Variants in ZNFX1 observed in about 807,000 individuals in gnomAD.
ZNFX1 encodes zinc finger NFX1-type containing 1.
In ZNFX1, 78 loss-of-function variants were observed where a neutral mutation model predicts 179.8. That is an observed-to-expected ratio of 0.43 (90% CI 0.36 to 0.52). The LOEUF (loss-of-function observed/expected upper bound fraction) is 0.52. ZNFX1 is among the 20% of genes least tolerant of loss of function. ZNFX1 has a pLI of 0.00. For missense variants in ZNFX1, 1,927 were observed against 2,386.6 expected, an observed-to-expected ratio of 0.81 and a Z score of 4.01; for synonymous variants, 848 against 868.5, an observed-to-expected ratio of 0.98 and a Z score of 0.42.
rs116559811 is a variant in ZNFX1, at chr20:49,256,775, T to A, written c.2664+642A>T. 8.8e-3 allele frequency among the ~76,000 whole-genome samples: 1,342 copies of A among 152,346 alleles called. 21 individuals are homozygous for A. Among genetic ancestry groups the A allele is most frequent in the African/African-American group, 0.03 (1,259 of 41,570 alleles). On this transcript the variant is annotated intron_variant, in intron 8 of 13. Coordinates refer to ENST00000396105, the MANE Select transcript of ZNFX1 (RefSeq NM_021035.3). ...ATCAGGTGCAAAGCCAGCACTCAGA[T>A]GAAAACTGCATCCAAAGTTGCCCTT...
chr20:49,264,815 G>C lies in ZNFX1; in HGVS notation c.2052C>G (p.Ser684Arg). 1 of 1,614,170 alleles carries C rather than the reference G, an allele frequency of 6.2e-7. No individual in the cohort carries two copies. Among genetic ancestry groups the C allele is most frequent in the Non-Finnish European group, 8.5e-7 (1 of 1,180,030 alleles). ...KTSIVRVGGR[S>R]NSEILKQFTL... Reference sequence around the variant, plus strand: ...TGAACTGCTTCAGGATTTCACTGTTGCTCCTTCCACCCACCCGCACAATGC... The same window carrying C: ...TGAACTGCTTCAGGATTTCACTGTTCCTCCTTCCACCCACCCGCACAATGC... Residue 684 changes from serine (S) to arginine (R), a missense_variant, in exon 5 of 14, where the codon AGC becomes AGG. Coordinates refer to ENST00000396105, the MANE Select transcript of ZNFX1 (RefSeq NM_021035.3).
chr20:49,253,400 T>C (rs1209708325), intron 11 of ZNFX1, among the ~76,000 whole-genome samples: 2 of 152,154 alleles, frequency 1.3e-5, no homozygotes. Flanking sequence ...CTGAGGAGCA[T>C]GCTATTACAA....
At position 49,272,180 on chromosome 20, in the gene ZNFX1, C is replaced by CTT. The variant is rs72383185; in HGVS notation, c.62-432_62-431dup. On this transcript the variant is annotated intron_variant, in intron 2 of 13. Transcript: ENST00000396105. ...TAATTTCTCTAAGTCTCAGTTTCTG[C>CTT]TTTTTTTTTTTTTTTGAGATGGAAT... is the stretch of plus-strand genomic sequence containing the variant. Among the ~76,000 whole-genome samples the CTT allele has an allele frequency of 8.4e-4, 119 of 140,844 alleles. 3 individuals are homozygous for CTT. The highest frequency in any genetic ancestry group is 7.5e-3 in the Middle Eastern group (2 of 268). 92.4% of individuals were successfully genotyped at this position (140,844 alleles called of 152,430 possible). A position where few individuals can be genotyped will look rare whatever the true frequency, so the allele number is the denominator to read the frequency against.
intron 3 of ZNFX1, among the ~76,000 whole-genome samples, chr20:49,268,897 A>G (rs1981311025): frequency 6.6e-6 from 1 of 152,224 alleles, no homozygotes; most frequent in African/African-American, 2.4e-5. Flanking sequence ...AAGTTTATAC[A>G]CTGCTGGTGG....
At chr20:49,251,216 C>T (rs2054442482) in intron 13 of ZNFX1, among the ~76,000 whole-genome samples, 1 of 152,044 alleles carries the variant, frequency 6.6e-6, no homozygotes, top group Non-Finnish European at 1.5e-5. Flanking sequence ...GATCTCAGCT[C>T]ACTGCAACCT....
Position 49,247,729 on chromosome 20 carries a change from G to GT in ZNFX1, c.5294dup (p.Tyr1765Ter), listed in dbSNP as rs770513210. ...TGTAGCGGGTCAGAAGGTTCACCAG[G>GT]TATGTGAGCCTCTGGATTTCACTTC... ...DLRSEIQRLT[Y>*]LVNLLTRYKI... Residue 1765 changes from tyrosine to a stop codon, truncating the protein, a stop_gained and frameshift_variant, in exon 14 of 14, where the codon TAC (tyrosine) becomes TAAC (stop). Transcript: ENST00000396105. LOFTEE classifies it high-confidence loss of function. The GT allele has an allele frequency of 6.2e-7, 1 of 1,614,176 alleles. No homozygotes were observed. Among genetic ancestry groups the GT allele is most frequent in the Non-Finnish European group, 8.5e-7 (1 of 1,180,038 alleles).
In ZNFX1 at chr20:49,258,315, G is replaced by A. The variant is rs189193637; in HGVS notation, c.2417-651C>T. ...TCTCCATGTTGGTCAGGCTGGTCTC[G>A]AACTCCCGACCTCAGGCCTGCCTCG... On this transcript the variant is annotated intron_variant, in intron 7 of 13. Coordinates refer to ENST00000396105, the MANE Select transcript of ZNFX1 (RefSeq NM_021035.3). Among the ~76,000 whole-genome samples the A allele has an allele frequency of 2.6e-3, 386 of 151,280 alleles. 2 individuals carry two copies. Among genetic ancestry groups the A allele is most frequent in the African/African-American group, 8.8e-3 (362 of 41,212 alleles).
At chr20:49,257,748 G>C in intron 7 of ZNFX1, 84 bp from the exon 8 acceptor site, 1 of 1,468,976 alleles carries the variant, frequency 6.8e-7, no homozygotes, top group Non-Finnish European at 8.9e-7. Context: ...TTTGCCCAGG[G>C]TGGAGTGCGG....
Position 49,247,726 on chromosome 20 carries a change from C to T in ZNFX1, c.5298G>A (p.Leu1766=). The part of the protein sequence containing the change: ...LRSEIQRLTY[L]VNLLTRYKIA... ...TCTTGTAGCGGGTCAGAAGGTTCAC[C>T]AGGTATGTGAGCCTCTGGATTTCAC... The change falls in exon 14 of 14, where the codon CTG becomes CTA. Residue 1766 remains leucine (L), a synonymous_variant. Coordinates refer to ENST00000396105, the MANE Select transcript of ZNFX1 (RefSeq NM_021035.3). 1 of 1,614,162 alleles carries T rather than the reference C, an allele frequency of 6.2e-7. No homozygotes were observed. Among genetic ancestry groups the T allele is most frequent in the Non-Finnish European group, 8.5e-7 (1 of 1,180,026 alleles).
chr20:49,277,672 CG>C (rs1330154195), intron 1 of ZNFX1, among the ~76,000 whole-genome samples: 1 of 147,248 alleles, frequency 6.8e-6, no homozygotes, highest in Admixed American at 6.7e-5. Context: ...GAAGGGGCGA[CG>C]GGGCGCTGAG....
In ZNFX1 at chr20:49,249,265, G is replaced by A. The variant is rs1358332416; in HGVS notation, c.3759C>T (p.Asn1253=). The change falls in exon 14 of 14, where the codon AAC becomes AAT. Residue 1253 remains asparagine (N), a synonymous_variant. Transcript: ENST00000396105. ...GCCGGAGCATGGGGCCTATTTGATT[G>A]TTCTCTCGAAGTGTATGAATGATCT... is the stretch of plus-strand genomic sequence containing the variant. ...WSKIIHTLRE[N]NQIGPMLRLC... The A allele has an allele frequency of 3.1e-6, 5 of 1,614,104 alleles. No homozygotes were observed. The highest frequency in any genetic ancestry group is 4.2e-6 in the Non-Finnish European group (5 of 1,180,050).
At position 49,255,260 on chromosome 20, in the gene ZNFX1, G is replaced by A. The variant is rs376908782; in HGVS notation, c.2804+548C>T. On this transcript the variant is annotated intron_variant, in intron 9 of 13. Transcript: ENST00000396105. ...GGGTTTCACTGTGTTAGCCAGGATG[G>A]TCTCAATCTCCTGACCTTGTGATCC... Among the ~76,000 whole-genome samples the A allele has an allele frequency of 9.2e-5, 14 of 151,874 alleles. 1 individual carries two copies. The highest frequency in any genetic ancestry group is 5.8e-4 in the East Asian group (3 of 5,186).
At chr20:49,277,546 T>G (rs1601001583) in intron 1 of ZNFX1, among the ~76,000 whole-genome samples, 1 of 137,990 alleles carries the variant, frequency 7.2e-6, no homozygotes, top group African/African-American at 2.8e-5. Flanking sequence ...CAGACAGGGG[T>G]AGGGGCAGAG....
intron 10 of ZNFX1, among the ~76,000 whole-genome samples, chr20:49,254,029 CTTTTTTT>C (rs11324394): frequency 0.092 from 13,468 of 145,848 alleles, 742 homozygotes; most frequent in African/African-American, 0.17. Context: ...TTTCTTTTTT[CTTTTTTT>C]TTTTTTCTTT....
At position 49,263,500 on chromosome 20, in the gene ZNFX1, G is replaced by A. The variant is rs1437155607; in HGVS notation, c.2152-17C>T. On this transcript the variant is annotated splice_polypyrimidine_tract_variant and intron_variant, in intron 5 of 13. Coordinates refer to ENST00000396105, the MANE Select transcript of ZNFX1 (RefSeq NM_021035.3). ...TGTCATGATCTTCCAAGAACAGAGG[G>A]AAAGAAATGATGAGGAAATATCATC... 1 of 1,561,174 alleles carries A rather than the reference G, an allele frequency of 6.4e-7. No homozygotes were observed. Among genetic ancestry groups the A allele is most frequent in the African/African-American group, 1.4e-5 (1 of 73,648 alleles).
rs1297186762 is a variant in ZNFX1, at chr20:49,270,445, A to G, written c.1367T>C (p.Met456Thr). ...KRLLYGSLVC[M>T]SKDNFETFLF... ...AAATGTCTCGAAGTTGTCCTTGGAC[A>G]TGCATACCAAAGACCCATAGAGCAA... The change falls in exon 3 of 14, where the codon ATG (methionine) becomes ACG (threonine). Residue 456 changes from methionine (M) to threonine (T), a missense_variant. Physicochemically the swap from Met to Thr is moderately conservative, Grantham distance 81. Coordinates refer to ENST00000396105, the MANE Select transcript of ZNFX1 (RefSeq NM_021035.3). This position sits in a 1 kb window ranked among gnomAD's most constrained non-coding sequence, Gnocchi z 4.6. 3 of 1,614,254 alleles carry G rather than the reference A, an allele frequency of 1.9e-6. No individual in the cohort carries two copies. The highest frequency in any genetic ancestry group is 1.7e-5 in the Admixed American group (1 of 60,034).
intron 6 of ZNFX1, among the ~76,000 whole-genome samples, chr20:49,262,407 CAAAAAAAAAAAAAAGAA>C (rs1305841857): frequency 2.4e-5 from 2 of 84,650 alleles, no homozygotes; most frequent in East Asian, 4.2e-4. Flanking sequence ...AACTCTGTCT[CAAAAAAAAAAAAAAGAA>C]GAAAAAAAAA....
intron 7 of ZNFX1, among the ~76,000 whole-genome samples, chr20:49,257,967 T>C (rs1182101930): frequency 1.3e-5 from 2 of 151,222 alleles, no homozygotes; most frequent in African/African-American, 2.4e-5. Context: ...CCGCCTTGGC[T>C]TCCCAAAGTG....
chr20:49,270,472 C>T lies in ZNFX1; in HGVS notation c.1340G>A (p.Arg447Gln), dbSNP rs201699097. Residue 447 changes from arginine to glutamine, a missense_variant, in exon 3 of 14, where the codon CGA becomes CAA. Arg to Gln is a conservative substitution (Grantham distance 43). Transcript: ENST00000396105. The surrounding 1 kb of genome is among the most constrained non-coding windows in gnomAD (Gnocchi z 4.6). ...LKFVRWQNSK[R>Q]LLYGSLVCMS... Reference sequence around the variant, plus strand: ...GCATACCAAAGACCCATAGAGCAATCGTTTGGAATTCTGCCAGCGAACAAA... The same window carrying T: ...GCATACCAAAGACCCATAGAGCAATTGTTTGGAATTCTGCCAGCGAACAAA... The T allele has an allele frequency of 2.7e-5, 43 of 1,614,208 alleles. No individual in the cohort carries two copies. The highest frequency in any genetic ancestry group is 1.7e-4 in the Admixed American group (10 of 60,030).
Sources: gnomAD v4.1 joint callset for allele counts (sites outside exome capture counted in the v4.1 genomes callset) on GRCh38, gnomAD v4.1.1 for gene constraint, Gnocchi (gnomAD v3.1) non-coding constraint, MANE v1.5 for transcripts, NCBI Gene and HGNC (gene_info 2026-07-23, HGNC 2026-07-21) for gene names.